ARHGAP15: variants seen among roughly 807,000 people sequenced by gnomAD.
The protein encoded by ARHGAP15 is Rho GTPase activating protein 15, also known as rho GTPase-activating protein 15.
In ARHGAP15, 51 loss-of-function variants were observed where a neutral mutation model predicts 63.7. The ratio of observed to expected loss-of-function variants is 0.80; its 90% CI spans 0.64 to 1.01. The LOEUF (loss-of-function observed/expected upper bound fraction) is 1.01, where lower values mean the gene tolerates loss of function less well. Among genes scored for constraint, ARHGAP15 ranks in the 50% least tolerant of loss-of-function variants. The probability of loss-of-function intolerance (pLI) is 0.00; values close to 1 mark genes in which losing one functional copy is unlikely to be tolerated. For missense variants in ARHGAP15, 560 were observed against 564.6 expected, an observed-to-expected ratio of 0.99 and a Z score of 0.08; for synonymous variants, 191 against 193.8, an observed-to-expected ratio of 0.99 and a Z score of 0.12.
chr2:143,388,948 T>C (rs78354308), intron 6 of ARHGAP15, among the ~76,000 whole-genome samples: 1 of 151,254 alleles, frequency 6.6e-6, no homozygotes, highest in African/African-American at 2.4e-5. Flanking sequence ...GGAGAATTAA[T>C]TTTTTTTTAA....
intron 6 of ARHGAP15, among the ~76,000 whole-genome samples, chr2:143,430,177 C>CT (rs35690060): frequency 0.35 from 49,876 of 144,008 alleles, 9,583 homozygotes; most frequent in Non-Finnish European, 0.45. Flanking sequence ...GCCAAAGTAA[C>CT]TTTTTTTTTT....
chr2:143,132,362 C>T (rs915648276), intron 1 of ARHGAP15, among the ~76,000 whole-genome samples: 1 of 152,218 alleles, frequency 6.6e-6, no homozygotes, highest in African/African-American at 2.4e-5. Context: ...ACAGGATTAT[C>T]AGGAGTAGGT....
rs143705470 is a variant in ARHGAP15, at chr2:143,487,591, ATTC to A, written c.826+102_826+104del. 1,039 of 1,352,884 alleles carry A rather than the reference ATTC, an allele frequency of 7.7e-4. 11 individuals carry two copies. In the African/African-American group the frequency reaches 0.014, roughly 18 times the overall value. 83.8% of individuals were successfully genotyped at this position (1,352,884 alleles called of 1,614,324 possible). On this transcript the variant is annotated intron_variant, in intron 9 of 13. Transcript: ENST00000295095. The stretch of plus-strand genomic sequence containing the variant: ...CTCTAAAGGAATATTAGAATATTTT[ATTC>A]TTCTTAGGTTGCTTATTAAATTTTC...
In ARHGAP15 at chr2:143,129,438, T is replaced by C. The variant is rs1688837130; in HGVS notation, c.-43T>C. On this transcript the variant is annotated 5_prime_UTR_variant, in exon 1 of 14. Transcript: ENST00000295095. ...ATTAACAGTTAGGAGTTGATGGCAGTTTCAATAACAGGTCATTGCCGAGAA... is the reference window on the plus strand; with the variant it reads ...ATTAACAGTTAGGAGTTGATGGCAGCTTCAATAACAGGTCATTGCCGAGAA... The C allele has an allele frequency of 1.3e-5, 2 of 152,182 alleles. No individual in the cohort carries two copies. Among genetic ancestry groups the C allele is most frequent in the African/African-American group, 4.8e-5 (2 of 41,446 alleles). The allele number at this position is 152,182 out of a possible 1,614,324, so 9.4% of individuals were successfully genotyped here.
At chr2:143,307,967 T>C (rs1412365529) in intron 6 of ARHGAP15, among the ~76,000 whole-genome samples, 2 of 152,156 alleles carry the variant, frequency 1.3e-5, no homozygotes, top group Non-Finnish European at 2.9e-5. Flanking sequence ...CAGCACACAG[T>C]TTTATACCTT....
intron 12 of ARHGAP15, among the ~76,000 whole-genome samples, chr2:143,645,369 T>C (rs1365972478): frequency 1.3e-5 from 2 of 152,072 alleles, no homozygotes; most frequent in East Asian, 3.9e-4. Context: ...CTGATTAACA[T>C]GTAGGGTCAG....
intron 11 of ARHGAP15, chr2:143,601,414 C>T (rs1461801296): frequency 6.6e-6 from 1 of 152,028 alleles, no homozygotes; most frequent in African/African-American, 2.4e-5. Context: ...AGCTAATATT[C>T]ATAGACCTTA....
At chr2:143,423,723 C>A (rs1689027296) in intron 6 of ARHGAP15, among the ~76,000 whole-genome samples, 1 of 152,108 alleles carries the variant, frequency 6.6e-6, no homozygotes, top group African/African-American at 2.4e-5. Flanking sequence ...TAAGTGAAAT[C>A]AAATAATAAC....
chr2:143,479,589 C>T (rs1380438204), intron 8 of ARHGAP15, among the ~76,000 whole-genome samples: 2 of 151,888 alleles, frequency 1.3e-5, no homozygotes, highest in Non-Finnish European at 2.9e-5. Flanking sequence ...GCTCAATAAC[C>T]ACTTACTTTA....
intron 13 of ARHGAP15, among the ~76,000 whole-genome samples, chr2:143,713,202 G>C (rs952683562): frequency 2.6e-5 from 4 of 152,154 alleles, no homozygotes; most frequent in African/African-American, 9.7e-5. Context: ...CTGAGGTGGA[G>C]AGACCTCAGA....
intron 6 of ARHGAP15, among the ~76,000 whole-genome samples, chr2:143,309,818 A>G (rs1409599150): frequency 6.6e-6 from 1 of 152,026 alleles, no homozygotes; most frequent in East Asian, 1.9e-4. Context: ...AACCAAAAAT[A>G]TCTCCAAACA....
intron 8 of ARHGAP15, among the ~76,000 whole-genome samples, chr2:143,469,408 CTT>C (rs1447369451): frequency 6.6e-6 from 1 of 152,180 alleles, no homozygotes; most frequent in Non-Finnish European, 1.5e-5. Flanking sequence ...CATTTTAAAA[CTT>C]TTTCTTCTTA....
At chr2:143,711,648 G>A (rs1684585210) in intron 13 of ARHGAP15, among the ~76,000 whole-genome samples, 1 of 152,200 alleles carries the variant, frequency 6.6e-6, no homozygotes, top group South Asian at 2.1e-4. Context: ...CTTTCTGTAG[G>A]CTAAGCACTG....
At chr2:143,387,561 C>CATTTT in intron 6 of ARHGAP15, among the ~76,000 whole-genome samples, 1 of 152,276 alleles carries the variant, frequency 6.6e-6, no homozygotes, top group Admixed American at 6.5e-5. Flanking sequence ...ATTGTATTGA[C>CATTTT]ATTTTACAGA....
At chr2:143,754,222 C>T (rs894277023) in intron 13 of ARHGAP15, among the ~76,000 whole-genome samples, 12 of 152,168 alleles carry the variant, frequency 7.9e-5, no homozygotes, top group Admixed American at 7.9e-4. Flanking sequence ...TCAACAAATA[C>T]TTGTTGAGTA....
chr2:143,509,297 A>C (rs1693466756), intron 9 of ARHGAP15, among the ~76,000 whole-genome samples: 1 of 152,064 alleles, frequency 6.6e-6, no homozygotes, highest in Admixed American at 6.5e-5. Context: ...TTAGAAGTTA[A>C]AGTAATTAAG....
intron 6 of ARHGAP15, among the ~76,000 whole-genome samples, chr2:143,306,189 A>T (rs895908226): frequency 2.0e-4 from 31 of 152,268 alleles, no homozygotes; most frequent in Admixed American, 1.1e-3. Flanking sequence ...ACTGCGTGAC[A>T]GAAAAATGCC....
chr2:143,543,824 A>C (rs1313353529), intron 10 of ARHGAP15, among the ~76,000 whole-genome samples: 1 of 152,136 alleles, frequency 6.6e-6, no homozygotes, highest in African/African-American at 2.4e-5. Flanking sequence ...CCTTTTTTTA[A>C]GTCAACAAAG....
chr2:143,490,245 C>T (rs1029008197), intron 9 of ARHGAP15, among the ~76,000 whole-genome samples: 4 of 152,138 alleles, frequency 2.6e-5, no homozygotes, highest in South Asian at 2.1e-4. Context: ...GTGATCCACC[C>T]GCCTCAGCCT....
Sources: gnomAD v4.1 joint callset for allele counts (sites outside exome capture counted in the v4.1 genomes callset) on GRCh38, gnomAD v4.1.1 for gene constraint, MANE v1.5 for transcripts, NCBI Gene and HGNC (gene_info 2026-07-23, HGNC 2026-07-21) for gene names.